Variants in RIPOR2 observed in about 807,000 individuals in gnomAD.
RIPOR2 encodes the protein rho family-interacting cell polarization regulator 2.
RIPOR2 carries 39 observed loss-of-function variants against 114.5 expected under a neutral mutation model. That is an observed-to-expected ratio of 0.34 (90% CI 0.26 to 0.44). The LOEUF (loss-of-function observed/expected upper bound fraction) is 0.44, where lower values mean the gene tolerates loss of function less well. RIPOR2 is among the 20% of genes least tolerant of loss of function. The probability of loss-of-function intolerance (pLI) is 1.00; values close to 1 mark genes in which losing one functional copy is unlikely to be tolerated. For synonymous variants in RIPOR2, 445 were observed against 484.4 expected (o/e 0.92, Z 1.07); for missense variants, 1,007 against 1,255.1 (o/e 0.80, Z 2.99).
chr6:24,968,164 CG>C (rs1405264123), intron 1 of RIPOR2, among the ~76,000 whole-genome samples: 3 of 152,098 alleles, frequency 2.0e-5, no homozygotes, highest in Non-Finnish European at 4.4e-5. Context: ...CCTCAGCCTC[CG>C]AAAGTGCTGA....
intron 19 of RIPOR2, 53 bp from the exon 20 acceptor site, chr6:24,818,678 A>T (rs1759393635): frequency 2.6e-6 from 3 of 1,175,658 alleles, no homozygotes; most frequent in Non-Finnish European, 2.4e-6. Flanking sequence ...TCGTAGTTTA[A>T]GAGGTATACC....
intron 1 of RIPOR2, among the ~76,000 whole-genome samples, chr6:24,927,831 T>C (rs1771073528): frequency 6.6e-6 from 1 of 152,224 alleles, no homozygotes. Context: ...AGTTCAAATA[T>C]TTTGCTCATT....
At chr6:24,907,353 G>A (rs1411767571) in intron 1 of RIPOR2, among the ~76,000 whole-genome samples, 1 of 152,178 alleles carries the variant, frequency 6.6e-6, no homozygotes, top group Non-Finnish European at 1.5e-5. Context: ...ATAAATTGGA[G>A]CAGCTTCTTT....
rs1214467088 is a variant in RIPOR2 at position 24,875,751 on chromosome 6, T to C, written c.128A>G (p.Asn43Ser). The C allele has an allele frequency of 2.3e-5, 37 of 1,613,514 alleles. No homozygotes were observed. The highest frequency in any genetic ancestry group is 3.3e-5 in the Admixed American group (2 of 59,966). The change falls in exon 2 of 22, where the codon AAT (asparagine) becomes AGT (serine). Residue 43 changes from asparagine to serine, a missense_variant. By Grantham distance (46) the Asn-to-Ser change is conservative. Coordinates refer to ENST00000643898, the MANE Select transcript of RIPOR2 (RefSeq NM_001286445.3). ...AAAGGACTGGCTTCTAATGATCCCA[T>C]TGGGCCCTCCAGGCGAAAAAGACTG... is the stretch of plus-strand genomic sequence containing the variant. ...GSQSFSPGGPNGIIRSQSFAG... is the reference protein window; with the variant it reads ...GSQSFSPGGPSGIIRSQSFAG...
intron 12 of RIPOR2, among the ~76,000 whole-genome samples, chr6:24,846,301 CTTTTTTT>C (rs1233193249): frequency 5.5e-5 from 5 of 91,720 alleles, no homozygotes; most frequent in African/African-American, 1.4e-4. Context: ...TTTCACCTGC[CTTTTTTT>C]TTTTTTTTTT....
intron 1 of RIPOR2, among the ~76,000 whole-genome samples, chr6:24,930,828 G>A (rs533153108): frequency 6.6e-6 from 1 of 152,346 alleles, no homozygotes; most frequent in East Asian, 1.9e-4. Context: ...AACTAGGGCA[G>A]CCTCTTTCTG....
At chr6:24,865,107 C>G (rs539823291) in intron 7 of RIPOR2, among the ~76,000 whole-genome samples, 194 bp downstream of exon 7, 88 of 152,272 alleles carry the variant, frequency 5.8e-4, no homozygotes, top group Non-Finnish European at 1.1e-3. Context: ...GCCGCCACTC[C>G]CAGCTTATTC....
intron 1 of RIPOR2, among the ~76,000 whole-genome samples, chr6:24,907,075 A>G (rs1226315416): frequency 2.0e-5 from 3 of 152,226 alleles, no homozygotes; most frequent in Non-Finnish European, 4.4e-5. Flanking sequence ...GTTGAACTTA[A>G]AATCCACCTC....
chr6:24,943,768 T>G (rs1772264504), intron 1 of RIPOR2, among the ~76,000 whole-genome samples: 1 of 152,326 alleles, frequency 6.6e-6, no homozygotes, highest in South Asian at 2.1e-4. Context: ...TTGGAATGGT[T>G]GCAGAATGGA....
At position 24,828,186 on chromosome 6, in the gene RIPOR2, G is replaced by C; in HGVS notation, c.2616C>G (p.Ser872Arg). 6.4e-7 allele frequency: 1 copy of C among 1,551,220 alleles called. No homozygotes were observed. The highest frequency in any genetic ancestry group is 8.7e-7 in the Non-Finnish European group (1 of 1,146,666). The stretch of plus-strand genomic sequence containing the variant: ...AACTCTCCAGGTCACTGACGCCGTG[G>C]CTGGTGAAGTAACTGTAATACTGGA... ...TVFQYYSYFT[S>R]HGVSDLESYL... The change falls in exon 18 of 22, where the codon AGC becomes AGG. Residue 872 changes from serine to arginine, a missense_variant. Coordinates refer to ENST00000643898, the MANE Select transcript of RIPOR2 (RefSeq NM_001286445.3).
In RIPOR2 at chr6:24,804,289, G is replaced by A. The variant is rs186036051; in HGVS notation, c.*2084C>T. On this transcript the variant is annotated 3_prime_UTR_variant, in exon 22 of 22. Coordinates refer to ENST00000643898, the MANE Select transcript of RIPOR2 (RefSeq NM_001286445.3). ...TAACATCAGACTGCACATGATGCTA[G>A]TAATTCAAAAATAATTTTTATTTTA... The A allele has an allele frequency of 6.0e-4, 91 of 152,284 alleles. 2 individuals are homozygous for A. The highest frequency in any genetic ancestry group is 1.6e-3 in the African/African-American group (68 of 41,562). The allele number at this position is 152,284 out of a possible 1,614,324, so 9.4% of individuals were successfully genotyped here. A position where few individuals can be genotyped will look rare whatever the true frequency, so the allele number is the denominator to read the frequency against.
chr6:24,925,715 A>T (rs1407203076), intron 1 of RIPOR2, among the ~76,000 whole-genome samples: 2 of 151,402 alleles, frequency 1.3e-5, no homozygotes, highest in East Asian at 1.9e-4. Context: ...AAAAAAAAAA[A>T]TTTGGTTCAT....
At chr6:25,003,025 T>C (rs1775387355) in intron 1 of RIPOR2, among the ~76,000 whole-genome samples, 1 of 152,240 alleles carries the variant, frequency 6.6e-6, no homozygotes, top group Admixed American at 6.5e-5. Flanking sequence ...CATTTTTATG[T>C]TTTATATTCC....
At position 25,037,358 on chromosome 6, in the gene RIPOR2, T is replaced by C. The variant is rs777150701; in HGVS notation, c.76+4493A>G. On this transcript the variant is annotated intron_variant, in intron 1 of 13. Coordinates refer to the RIPOR2 transcript ENST00000510784. The surrounding 1 kb of genome is among the most constrained non-coding windows in gnomAD (Gnocchi z 4.5). ...AAAGAAAGGCTCTCGGGGCATTCAG[T>C]TATCTGTGCCCACCCCTCATTCCCG... Among the ~76,000 whole-genome samples the C allele has an allele frequency of 1.3e-5, 2 of 152,160 alleles. No individual in the cohort carries two copies. Among genetic ancestry groups the C allele is most frequent in the Non-Finnish European group, 2.9e-5 (2 of 68,022 alleles).
At chr6:24,809,547 A>G (rs1327854688) in intron 21 of RIPOR2, among the ~76,000 whole-genome samples, 170 bp downstream of exon 21, 4 of 152,210 alleles carry the variant, frequency 2.6e-5, no homozygotes, top group African/African-American at 9.6e-5. Flanking sequence ...TGAGATAGAC[A>G]CTGATCAGTT....
Position 24,806,488 on chromosome 6 carries a change from T to C in RIPOR2, c.3044-15A>G. Reference sequence around the variant, plus strand: ...CCCATCTTCTCCTAAATACAGAACATTAAACATGAATACCAATTCAAACAA... The same window carrying C: ...CCCATCTTCTCCTAAATACAGAACACTAAACATGAATACCAATTCAAACAA... On this transcript the variant is annotated splice_polypyrimidine_tract_variant and intron_variant, in intron 21 of 21. Transcript: ENST00000643898. 6.6e-7 allele frequency: 1 copy of C among 1,518,714 alleles called. No individual in the cohort carries two copies. Among genetic ancestry groups the C allele is most frequent in the Non-Finnish European group, 8.9e-7 (1 of 1,123,452 alleles). The allele number at this position is 1,518,714 out of a possible 1,614,324, so 94.1% of individuals were successfully genotyped here. A position where few individuals can be genotyped will look rare whatever the true frequency, so the allele number is the denominator to read the frequency against.
intron 1 of RIPOR2, among the ~76,000 whole-genome samples, chr6:25,009,093 G>A (rs4712878): frequency 0.38 from 57,578 of 152,038 alleles, 13,754 homozygotes; most frequent in Non-Finnish European, 0.53. Flanking sequence ...GGGTCTTGCT[G>A]GTGGCATCCC....
intron 1 of RIPOR2, among the ~76,000 whole-genome samples, chr6:24,913,503 G>A (rs915911953): frequency 2.6e-5 from 4 of 152,148 alleles, no homozygotes; most frequent in Admixed American, 2.6e-4. Flanking sequence ...CCAGAGAACA[G>A]GTACATGTGT....
upstream of RIPOR2, chr6:25,042,050 T>C: frequency 2.1e-6 from 1 of 468,974 alleles, no homozygotes. Flanking sequence ...CCCTTTTTGT[T>C]CTTTTCTTAA....
Sources: gnomAD v4.1 joint callset for allele counts (sites outside exome capture counted in the v4.1 genomes callset) on GRCh38, gnomAD v4.1.1 for gene constraint, Gnocchi (gnomAD v3.1) non-coding constraint, MANE v1.5 for transcripts, NCBI Gene and HGNC (gene_info 2026-07-23, HGNC 2026-07-21) for gene names.